Variants in DOP1B observed in about 807,000 individuals in gnomAD.
DOP1B encodes DOP1 leucine zipper like protein B, also known as protein DOP1B.
In DOP1B, 174 loss-of-function variants were observed where a neutral mutation model predicts 233.5. The observed-to-expected ratio is 0.75, with a 90% CI of 0.66 to 0.85. The LOEUF is 0.85. Among genes scored for constraint, DOP1B ranks in the 40% least tolerant of loss-of-function variants. The pLI, the probability that DOP1B is intolerant of heterozygous loss-of-function variation, is 0.00. For synonymous variants in DOP1B, 1,190 were observed against 1,185.6 expected (o/e 1.00, Z -0.08); for missense variants, 2,652 against 2,846.6 (o/e 0.93, Z 1.56).
intron 15 of DOP1B, among the ~76,000 whole-genome samples, chr21:36,236,362 G>A (rs543783788): frequency 5.9e-4 from 90 of 152,336 alleles, no homozygotes; most frequent in Non-Finnish European, 1.0e-3. Context: ...CTGCCACAGC[G>A]TTGTGCAGGG....
chr21:36,277,059 C>T lies in DOP1B; in HGVS notation c.5671C>T (p.Pro1891Ser). Residue 1891 changes from proline to serine, a missense_variant, in exon 28 of 37, where the codon CCG (proline) becomes TCG (serine). Around this residue, in one of 3 missense-constraint regions of DOP1B, gnomAD observed 2,617 missense variants for 2,794.3 expected, o/e 0.94. Transcript: ENST00000691173. ...AASAMVSSSA[P>S]SVYSVQALSL... Reference sequence around the variant, plus strand: ...TTCAGCAATGGTGTCTTCATCCGCCCCGTCGGTGTACAGCGTGCAAGCCCT... The same window carrying T: ...TTCAGCAATGGTGTCTTCATCCGCCTCGTCGGTGTACAGCGTGCAAGCCCT... 6.2e-7 allele frequency: 1 copy of T among 1,614,118 alleles called. No homozygotes were observed. Among genetic ancestry groups the T allele is most frequent in the Non-Finnish European group, 8.5e-7 (1 of 1,180,016 alleles).
intron 24 of DOP1B, 77 bp downstream of exon 24, chr21:36,260,809 G>A (rs1487012515): frequency 3.2e-5 from 51 of 1,583,608 alleles, no homozygotes; most frequent in Non-Finnish European, 4.2e-5. Context: ...ATAAATATCT[G>A]GTTTTATTTC....
rs79563238 is a variant in DOP1B at position 36,240,161 on chromosome 21, A to G, written c.3067+206A>G. 8.2e-3 allele frequency among the ~76,000 whole-genome samples: 1,254 copies of G among 152,206 alleles called. 12 individuals carry two copies. Among genetic ancestry groups the G allele is most frequent in the African/African-American group, 0.029 (1,189 of 41,524 alleles). ...GGGAGTGGGTTTGCTGTTTTCACTG[A>G]AAAACCAGATTGTTTTGTTATTAAA... On this transcript the variant is annotated intron_variant, in intron 18 of 36. Coordinates refer to ENST00000691173, the MANE Select transcript of DOP1B (RefSeq NM_001320714.2).
chr21:36,261,840 G>A lies in DOP1B; in HGVS notation c.5315+1108G>A, dbSNP rs142535347. 926 of 546,964 alleles carry A rather than the reference G, an allele frequency of 1.7e-3. 6 individuals are homozygous for A. The African/African-American group carries it at 0.018, about 10-fold the overall frequency. The allele number at this position is 546,964 out of a possible 1,614,324, so 33.9% of individuals were successfully genotyped here. A position where few individuals can be genotyped will look rare whatever the true frequency, so the allele number is the denominator to read the frequency against. On this transcript the variant is annotated intron_variant, in intron 24 of 36. Coordinates refer to ENST00000691173, the MANE Select transcript of DOP1B (RefSeq NM_001320714.2). ...GCAGGTGAATCACTTGAACCCAGGA[G>A]GCAGAGGTTGCAGTGAGCTGAGATC...
intron 13 of DOP1B, among the ~76,000 whole-genome samples, chr21:36,229,803 A>C (rs979172987): frequency 2.6e-5 from 4 of 151,672 alleles, no homozygotes; most frequent in Admixed American, 6.6e-5. Context: ...CTGGGATTAC[A>C]GGCACCCACC....
chr21:36,261,158 A>G, intron 24 of DOP1B: 1 of 926,718 alleles, frequency 1.1e-6, no homozygotes, highest in Non-Finnish European at 1.3e-6. Flanking sequence ...TGAGGCCAGG[A>G]GTTTGAGACC....
At chr21:36,225,489 C>A in intron 11 of DOP1B, 76 bp from the exon 12 acceptor site, 1 of 1,545,614 alleles carries the variant, frequency 6.5e-7, no homozygotes, top group Non-Finnish European at 8.9e-7. Flanking sequence ...TCTCGGCCTC[C>A]CAAAGTGTTA....
At position 36,211,792 on chromosome 21, in the gene DOP1B, A is replaced by T. The variant is rs528807029; in HGVS notation, c.780+141A>T. On this transcript the variant is annotated intron_variant, in intron 6 of 36. Coordinates refer to ENST00000691173, the MANE Select transcript of DOP1B (RefSeq NM_001320714.2). Reference sequence around the variant, plus strand: ...GGTAGCCAGTGAAAAGTCCTTGTTCATTTTTGCAAGGATAGCGTTTTCATT... The same window carrying T: ...GGTAGCCAGTGAAAAGTCCTTGTTCTTTTTTGCAAGGATAGCGTTTTCATT... 3 of 1,314,536 alleles carry T rather than the reference A, an allele frequency of 2.3e-6. No individual in the cohort carries two copies. The East Asian group carries it at 7.1e-5, about 31-fold the overall frequency. The allele number at this position is 1,314,536 out of a possible 1,614,324, so 81.4% of individuals were successfully genotyped here.
At chr21:36,162,076 C>T (rs997057694) in intron 1 of DOP1B, among the ~76,000 whole-genome samples, 37 of 152,150 alleles carry the variant, frequency 2.4e-4, no homozygotes, top group African/African-American at 8.4e-4. Context: ...TAGTGTATTC[C>T]TATAGTTCTG....
intron 23 of DOP1B, among the ~76,000 whole-genome samples, chr21:36,254,947 CTT>C (rs35630827): frequency 2.5e-4 from 32 of 127,602 alleles, no homozygotes; most frequent in Admixed American, 2.5e-4. Flanking sequence ...ATTTGTGTAA[CTT>C]TTTTTTTTTT....
At chr21:36,222,260 T>G (rs996931245) in intron 10 of DOP1B, among the ~76,000 whole-genome samples, 1 of 152,056 alleles carries the variant, frequency 6.6e-6, no homozygotes, top group Non-Finnish European at 1.5e-5. Context: ...ATAAATTTCT[T>G]GAATAAATTT....
At chr21:36,210,370 C>T (rs1050075286) in intron 5 of DOP1B, among the ~76,000 whole-genome samples, 3 of 151,776 alleles carry the variant, frequency 2.0e-5, no homozygotes, top group African/African-American at 7.3e-5. Flanking sequence ...TTAGCCTGGG[C>T]GCAGTGGCTC....
Position 36,293,897 on chromosome 21 carries a change from G to A in DOP1B, c.*326G>A. On this transcript the variant is annotated 3_prime_UTR_variant, in exon 37 of 37. Transcript: ENST00000691173. ...CTTGGGAGGCTAAGGCATGAGAATT[G>A]CTTGAACCCAGGAGGTGGAGGCTGC... 3.8e-6 allele frequency: 1 copy of A among 262,874 alleles called. No individual in the cohort carries two copies. The highest frequency in any genetic ancestry group is 4.6e-5 in the South Asian group (1 of 21,942). The allele number at this position is 262,874 out of a possible 1,614,324, so 16.3% of individuals were successfully genotyped here. A position where few individuals can be genotyped will look rare whatever the true frequency, so the allele number is the denominator to read the frequency against.
intron 2 of DOP1B, among the ~76,000 whole-genome samples, chr21:36,176,348 G>T (rs916381149): frequency 2.6e-5 from 4 of 152,050 alleles, no homozygotes; most frequent in African/African-American, 9.7e-5. Context: ...CTGCTGGCCA[G>T]ACCCTGCATG....
At chr21:36,161,089 G>A (rs1264455523) in intron 1 of DOP1B, among the ~76,000 whole-genome samples, 1 of 152,028 alleles carries the variant, frequency 6.6e-6, no homozygotes, top group African/African-American at 2.4e-5. Context: ...AAAGATGGGA[G>A]AAGGAGCATG....
intron 10 of DOP1B, among the ~76,000 whole-genome samples, chr21:36,222,124 G>C (rs924199905): frequency 2.0e-5 from 3 of 151,486 alleles, no homozygotes; most frequent in Non-Finnish European, 4.4e-5. Context: ...TGCCTGCCTC[G>C]GCCTCCCAAA....
Position 36,230,982 on chromosome 21 carries a change from A to C in DOP1B, c.2198A>C (p.Glu733Ala), listed in dbSNP as rs374945304. 21 of 1,614,066 alleles carry C rather than the reference A, an allele frequency of 1.3e-5. No homozygotes were observed. The highest frequency in any genetic ancestry group is 1.8e-5 in the Non-Finnish European group (21 of 1,180,036). Residue 733 changes from glutamate (E) to alanine (A), a missense_variant, in exon 14 of 37, where the codon GAG becomes GCG. Physicochemically the swap from Glu to Ala is moderately radical, Grantham distance 107. Transcript: ENST00000691173. The stretch of plus-strand genomic sequence containing the variant: ...AAAAACGGGGGAGAATGGGATGTTG[A>C]GAAGGTGGTCATTGACCTGGGGGGT... ...ARKNGGEWDV[E>A]KVVIDLGGSR...
At chr21:36,174,657 C>T (rs1039572680) in intron 2 of DOP1B, among the ~76,000 whole-genome samples, 4 of 152,098 alleles carry the variant, frequency 2.6e-5, no homozygotes, top group East Asian at 1.9e-4. Context: ...GGCATGTGTG[C>T]GCTACCATGC....
intron 27 of DOP1B, among the ~76,000 whole-genome samples, chr21:36,271,951 T>TC (rs2067294272): frequency 6.7e-6 from 1 of 149,840 alleles, no homozygotes; most frequent in South Asian, 2.1e-4. Flanking sequence ...TTTTTTTTTT[T>TC]CAGGATTAAG....
Sources: allele counts gnomAD v4.1 joint callset (sites outside exome capture counted in the v4.1 genomes callset), GRCh38; gene constraint gnomAD v4.1.1; regional missense constraint gnomAD v4.1.1; transcripts MANE v1.5; gene names NCBI Gene and HGNC (gene_info 2026-07-23, HGNC 2026-07-21).